Variants in PHKB observed in about 807,000 individuals in gnomAD.
PHKB encodes the protein phosphorylase b kinase regulatory subunit beta.
A neutral mutation model predicts 152.1 loss-of-function variants in PHKB; 122 were observed. The observed-to-expected ratio is 0.80, with a 90% CI of 0.69 to 0.93. The LOEUF is 0.93. Ranked by LOEUF, PHKB falls within the 40% of genes least tolerant of loss-of-function variation. The pLI is 0.00. For missense variants in PHKB, 1,304 were observed against 1,328.4 expected, an observed-to-expected ratio of 0.98 and a Z score of 0.29; for synonymous variants, 436 against 464.9, an observed-to-expected ratio of 0.94 and a Z score of 0.80.
At chr16:47,463,195 C>T (rs1397837773) in intron 1 of PHKB, 1 of 152,604 alleles carries the variant, frequency 6.6e-6, no homozygotes, top group Non-Finnish European at 1.5e-5. Flanking sequence ...TTTGTTTCCT[C>T]TGAAATGCAT....
At chr16:47,564,696 T>TC (rs761392016) in intron 7 of PHKB, among the ~76,000 whole-genome samples, 3 of 152,186 alleles carry the variant, frequency 2.0e-5, no homozygotes, top group Non-Finnish European at 2.9e-5. Flanking sequence ...GAAGAGTTTT[T>TC]CCAGGTTTTC....
intron 7 of PHKB, among the ~76,000 whole-genome samples, chr16:47,555,435 A>G (rs1000008556): frequency 6.6e-6 from 1 of 152,208 alleles, no homozygotes; most frequent in Admixed American, 6.5e-5. Context: ...AGATAGACCT[A>G]TCTTTTCCAT....
intron 6 of PHKB, among the ~76,000 whole-genome samples, chr16:47,519,724 A>G (rs1043419299): frequency 6.6e-6 from 1 of 152,188 alleles, no homozygotes; most frequent in African/African-American, 2.4e-5. Flanking sequence ...ATCCCTATTC[A>G]GTGTAGGCAG....
chr16:47,543,237 T>C (rs944090628), intron 6 of PHKB, among the ~76,000 whole-genome samples: 1 of 152,200 alleles, frequency 6.6e-6, no homozygotes, highest in African/African-American at 2.4e-5. Flanking sequence ...GTCAAAGGCC[T>C]TTTCTGCATC....
chr16:47,600,322 A>G (rs968755941), intron 13 of PHKB, among the ~76,000 whole-genome samples: 2 of 152,222 alleles, frequency 1.3e-5, no homozygotes, highest in African/African-American at 4.8e-5. Flanking sequence ...ACTTTTAGAA[A>G]ATCAATATTT....
chr16:47,633,150 A>G (rs1232160084), intron 14 of PHKB, among the ~76,000 whole-genome samples: 1 of 152,250 alleles, frequency 6.6e-6, no homozygotes, highest in Non-Finnish European at 1.5e-5. Context: ...GTCCTAAACC[A>G]TATTGTTACT....
At chr16:47,627,124 T>C (rs950509640) in intron 14 of PHKB, among the ~76,000 whole-genome samples, 1 of 152,230 alleles carries the variant, frequency 6.6e-6, no homozygotes, top group East Asian at 1.9e-4. Flanking sequence ...GACTGGATTC[T>C]TGGAATCTGT....
At chr16:47,560,667 T>C (rs1485010938) in intron 7 of PHKB, among the ~76,000 whole-genome samples, 2 of 152,180 alleles carry the variant, frequency 1.3e-5, no homozygotes, top group Non-Finnish European at 2.9e-5. Context: ...GGGGAAAGGA[T>C]AGTTTTCAAC....
Position 47,669,412 on chromosome 16 carries a change from A to C in PHKB, c.2625A>C (p.Arg875=). The change falls in exon 26 of 31, where the codon CGA becomes CGC. Residue 875 remains arginine, a synonymous_variant. Coordinates refer to ENST00000323584, the MANE Select transcript of PHKB (RefSeq NM_000293.3). ...PELFSGMLKI[R]IGWIIHAMEY... ...TATTCAGTGGCATGCTGAAAATACGAATCGGGTGAGTGAAGTCCTTTGCAT... is the reference window on the plus strand; with the variant it reads ...TATTCAGTGGCATGCTGAAAATACGCATCGGGTGAGTGAAGTCCTTTGCAT... 2 of 1,613,962 alleles carry C rather than the reference A, an allele frequency of 1.2e-6. No individual in the cohort carries two copies. Among genetic ancestry groups the C allele is most frequent in the Non-Finnish European group, 8.5e-7 (1 of 1,179,834 alleles).
At chr16:47,517,217 A>G (rs1483605856) in intron 6 of PHKB, among the ~76,000 whole-genome samples, 1 of 152,004 alleles carries the variant, frequency 6.6e-6, no homozygotes, top group East Asian at 1.9e-4. Flanking sequence ...ATTAGTGGCA[A>G]CTAATATTGC....
chr16:47,556,265 T>C (rs1185672863), intron 7 of PHKB, among the ~76,000 whole-genome samples: 2 of 152,182 alleles, frequency 1.3e-5, no homozygotes, highest in Non-Finnish European at 2.9e-5. Context: ...TTTATTTCCT[T>C]CTCCTGCCTA....
chr16:47,498,698 C>T (rs1300957441), intron 2 of PHKB, among the ~76,000 whole-genome samples: 2 of 151,868 alleles, frequency 1.3e-5, no homozygotes, highest in African/African-American at 2.4e-5. Flanking sequence ...CCCAAGAGTT[C>T]GAGACCAGCC....
chr16:47,554,470 T>G lies in PHKB; in HGVS notation c.710+6922T>G, dbSNP rs540468578. On this transcript the variant is annotated intron_variant, in intron 7 of 30. Coordinates refer to ENST00000323584, the MANE Select transcript of PHKB (RefSeq NM_000293.3). ...TGCTGGGCTCTATGGGGGTGGGATC[T>G]GCTGAGCTAGACCACTTGGTGCCCT... Among the ~76,000 whole-genome samples the G allele has an allele frequency of 8.9e-4, 136 of 152,346 alleles. 1 individual carries two copies. The highest frequency in any genetic ancestry group is 3.1e-3 in the African/African-American group (129 of 41,588).
intron 3 of PHKB, among the ~76,000 whole-genome samples, chr16:47,500,539 A>G (rs1169263266): frequency 6.6e-6 from 1 of 152,188 alleles, no homozygotes; most frequent in Non-Finnish European, 1.5e-5. Flanking sequence ...ATAAAATTAG[A>G]ACCCCAAGTA....
At chr16:47,603,490 A>C (rs376309941) in intron 13 of PHKB, among the ~76,000 whole-genome samples, 17 of 151,898 alleles carry the variant, frequency 1.1e-4, no homozygotes, top group African/African-American at 4.1e-4. Flanking sequence ...TTTATGTATA[A>C]ATAACTGACT....
In PHKB at chr16:47,650,830, G is replaced by C; in HGVS notation, c.1881-1G>C. 1 of 1,607,066 alleles carries C rather than the reference G, an allele frequency of 6.2e-7. No individual in the cohort carries two copies. The stretch of plus-strand genomic sequence containing the variant: ...ACATTTTGTTTATTTATATTTTTTA[G>C]AGGTAGCCGGTTCAACCCCATATTA... On this transcript the variant is annotated splice_acceptor_variant, in intron 19 of 30. Transcript: ENST00000323584. LOFTEE classifies it high-confidence loss of function.
intron 30 of PHKB, 122 bp downstream of exon 30, chr16:47,698,710 G>A: frequency 2.4e-6 from 2 of 823,856 alleles, no homozygotes; most frequent in Non-Finnish European, 3.7e-6. Context: ...TGCAAAATAG[G>A]ATACTTGAGG....
At chr16:47,665,578 T>G (rs1454271161) in intron 25 of PHKB, 1 of 335,042 alleles carries the variant, frequency 3.0e-6, no homozygotes, top group Non-Finnish European at 5.7e-6. Context: ...GTGACAGATT[T>G]AGTAATGAAC....
intron 25 of PHKB, among the ~76,000 whole-genome samples, chr16:47,667,932 T>C (rs1242941230): frequency 2.0e-5 from 3 of 152,194 alleles, no homozygotes; most frequent in Non-Finnish European, 4.4e-5. Flanking sequence ...CCATTGCTCA[T>C]CACACTAGCG....
Sources: allele counts gnomAD v4.1 joint callset (sites outside exome capture counted in the v4.1 genomes callset), GRCh38; gene constraint gnomAD v4.1.1; transcripts MANE v1.5; gene names NCBI Gene and HGNC (gene_info 2026-07-23, HGNC 2026-07-21).